Variants in TIAM1 observed in about 807,000 individuals in gnomAD.
TIAM1 encodes rho guanine nucleotide exchange factor TIAM1.
Under a neutral mutation model 163.5 loss-of-function variants are expected in TIAM1, and 65 were observed. That is an observed-to-expected ratio of 0.40 (90% CI 0.33 to 0.49). TIAM1 has a LOEUF of 0.49. Ranked by LOEUF, TIAM1 falls within the 20% of genes least tolerant of loss-of-function variation. TIAM1 has a pLI of 0.77. For synonymous variants in TIAM1, 833 were observed against 810.1 expected, an observed-to-expected ratio of 1.03 and a Z score of -0.48; for missense variants, 1,789 against 2,044.7, an observed-to-expected ratio of 0.87 and a Z score of 2.41.
At chr21:31,439,500 G>C (rs2044343469) in intron 2 of TIAM1, among the ~76,000 whole-genome samples, 1 of 152,176 alleles carries the variant, frequency 6.6e-6, no homozygotes, top group East Asian at 1.9e-4. Context: ...ATGTTGGCCA[G>C]GCTGGTCTTG....
At chr21:31,183,625 T>C (rs2085137907) in intron 14 of TIAM1, among the ~76,000 whole-genome samples, 1 of 152,012 alleles carries the variant, frequency 6.6e-6, no homozygotes. Context: ...ACAAAGAAGT[T>C]CTCGCTTCCC....
chr21:31,433,387 T>C (rs1204456805), intron 2 of TIAM1, among the ~76,000 whole-genome samples: 1 of 152,208 alleles, frequency 6.6e-6, no homozygotes, highest in Non-Finnish European at 1.5e-5. Flanking sequence ...TTGAGCAAAC[T>C]GGGTAGAAGG....
chr21:31,293,252 ACTT>A (rs1419437597), intron 2 of TIAM1, among the ~76,000 whole-genome samples: 7 of 151,908 alleles, frequency 4.6e-5, no homozygotes, highest in Non-Finnish European at 8.8e-5. Context: ...TGGAGGCAGA[ACTT>A]CTTCCTTCTC....
intron 3 of TIAM1, among the ~76,000 whole-genome samples, chr21:31,268,627 A>G (rs571796515): frequency 1.9e-4 from 29 of 152,324 alleles, no homozygotes; most frequent in African/African-American, 4.6e-4. Context: ...GAATTTTCCA[A>G]TAAAGACAAT....
At chr21:31,410,447 G>A (rs919508533) in intron 2 of TIAM1, among the ~76,000 whole-genome samples, 2 of 151,484 alleles carry the variant, frequency 1.3e-5, no homozygotes, top group African/African-American at 4.9e-5. Context: ...ACTGTGTGAG[G>A]GTGTTACGTA....
intron 2 of TIAM1, among the ~76,000 whole-genome samples, chr21:31,301,020 T>C (rs1480081600): frequency 3.9e-5 from 6 of 152,230 alleles, no homozygotes; most frequent in African/African-American, 1.4e-4. Flanking sequence ...CCCCCAGTTA[T>C]GTATGAAAGT....
At chr21:31,297,438 A>G (rs1321407116) in intron 2 of TIAM1, among the ~76,000 whole-genome samples, 1 of 152,236 alleles carries the variant, frequency 6.6e-6, no homozygotes, top group Non-Finnish European at 1.5e-5. Context: ...TCTGTCACCC[A>G]GGCTGGAGTG....
intron 2 of TIAM1, among the ~76,000 whole-genome samples, chr21:31,455,384 G>A (rs1025547255): frequency 6.6e-6 from 1 of 151,458 alleles, no homozygotes; most frequent in African/African-American, 2.4e-5. Context: ...CCAGATGAGT[G>A]GCAATATGAG....
intron 2 of TIAM1, among the ~76,000 whole-genome samples, chr21:31,307,544 G>C (rs138992837): frequency 6.6e-6 from 1 of 152,174 alleles, no homozygotes; most frequent in Non-Finnish European, 1.5e-5. Flanking sequence ...GATCTACCCC[G>C]GAGAACTCTG....
intron 2 of TIAM1, among the ~76,000 whole-genome samples, chr21:31,369,895 G>A (rs1200911926): frequency 2.6e-5 from 4 of 152,116 alleles, no homozygotes; most frequent in Non-Finnish European, 4.4e-5. Context: ...TGAGGCAGGA[G>A]ACTCGCTTGA....
Position 31,205,535 on chromosome 21 carries a change from G to A in TIAM1, c.2389-2523C>T, listed in dbSNP as rs577844681. ...CTAAGGTGGTCCTGGTGTGGACTGCGGAGAACTGCAGCATCCCCTAAATGC... is the reference window on the plus strand; with the variant it reads ...CTAAGGTGGTCCTGGTGTGGACTGCAGAGAACTGCAGCATCCCCTAAATGC... On this transcript the variant is annotated intron_variant, in intron 11 of 27. Transcript: ENST00000541036. Among the ~76,000 whole-genome samples the A allele has an allele frequency of 1.1e-4, 16 of 152,282 alleles. No individual in the cohort carries two copies. In the South Asian group the frequency reaches 1.5e-3, roughly 14 times the overall value.
At position 31,479,594 on chromosome 21, in the gene TIAM1, C is replaced by T. The variant is rs139032265; in HGVS notation, c.-421-15559G>A. Among the ~76,000 whole-genome samples the T allele has an allele frequency of 3.6e-4, 55 of 152,014 alleles. No individual in the cohort carries two copies. In the East Asian group the frequency reaches 0.011, roughly 29 times the overall value. On this transcript the variant is annotated intron_variant, in intron 1 of 28. Coordinates refer to the TIAM1 transcript ENST00000286827. The stretch of plus-strand genomic sequence containing the variant: ...TATCATGCTGATAGCTTGGAATTGG[C>T]GATGATGGGAAAATTTATACCATAG...
chr21:31,285,325 C>T (rs1440991891), intron 2 of TIAM1, among the ~76,000 whole-genome samples: 1 of 152,122 alleles, frequency 6.6e-6, no homozygotes, highest in Non-Finnish European at 1.5e-5. Flanking sequence ...AGCCTGTTGG[C>T]AACAAGGGCT....
intron 12 of TIAM1, among the ~76,000 whole-genome samples, chr21:31,201,752 A>G (rs2086213067): frequency 1.3e-5 from 2 of 152,316 alleles, no homozygotes; most frequent in South Asian, 4.1e-4. Flanking sequence ...TCACACATCC[A>G]TGGCAAGCAG....
chr21:31,190,127 G>A lies in TIAM1; in HGVS notation c.2576-3040C>T, dbSNP rs568337426. 9.2e-5 allele frequency among the ~76,000 whole-genome samples: 14 copies of A among 152,276 alleles called. No individual in the cohort carries two copies. In the South Asian group the frequency reaches 2.9e-3, roughly 32 times the overall value. ...AAAATTAAGTGATGAAACTAAGGTC[G>A]GGCGTGGTGGCTCATGCCTATAATC... On this transcript the variant is annotated intron_variant, in intron 13 of 27. Coordinates refer to ENST00000541036, the MANE Select transcript of TIAM1 (RefSeq NM_001353694.2).
chr21:31,299,861 G>A lies in TIAM1; in HGVS notation c.-188-22953C>T, dbSNP rs1013308421. ...AACAATCTGTTGGAAATCACAGTCC[G>A]CTGCCTGAGCCACAGAAGTGATCAA... On this transcript the variant is annotated intron_variant, in intron 2 of 27. Coordinates refer to ENST00000541036, the MANE Select transcript of TIAM1 (RefSeq NM_001353694.2). Among the ~76,000 whole-genome samples the A allele has an allele frequency of 5.9e-5, 9 of 152,134 alleles. 1 individual carries two copies. Among genetic ancestry groups the A allele is most frequent in the African/African-American group, 1.4e-4 (6 of 41,436 alleles).
intron 22 of TIAM1, among the ~76,000 whole-genome samples, chr21:31,139,924 AT>A (rs1293272603): frequency 6.6e-6 from 1 of 152,168 alleles, no homozygotes; most frequent in Non-Finnish European, 1.5e-5. Flanking sequence ...GGCCTAGCTG[AT>A]TTCCTCCAGC....
At chr21:31,291,845 T>A (rs2074037136) in intron 2 of TIAM1, among the ~76,000 whole-genome samples, 1 of 152,076 alleles carries the variant, frequency 6.6e-6, no homozygotes, top group South Asian at 2.1e-4. Flanking sequence ...TGTATAACCC[T>A]CAGATATTCC....
chr21:31,505,296 A>G (rs2046988229), intron 1 of TIAM1, among the ~76,000 whole-genome samples: 1 of 152,258 alleles, frequency 6.6e-6, no homozygotes, highest in Non-Finnish European at 1.5e-5. Flanking sequence ...AGCTCTCTAC[A>G]GGAGATATTA....
Sources: allele counts gnomAD v4.1 joint callset (sites outside exome capture counted in the v4.1 genomes callset), GRCh38; gene constraint gnomAD v4.1.1; transcripts MANE v1.5; gene names NCBI Gene and HGNC (gene_info 2026-07-23, HGNC 2026-07-21).